Variants in LYVE1 observed in about 807,000 individuals in gnomAD.
The protein encoded by LYVE1 is lymphatic vessel endothelial hyaluronan receptor 1, also known as lymphatic vessel endothelial hyaluronic acid receptor 1.
A neutral mutation model predicts 31.5 loss-of-function variants in LYVE1; 29 were observed. That is an observed-to-expected ratio of 0.92 (90% CI 0.69 to 1.26). The LOEUF (loss-of-function observed/expected upper bound fraction) is 1.26. Among genes scored for constraint, LYVE1 ranks in the 50% most tolerant of loss-of-function variants. The probability of loss-of-function intolerance (pLI) is 0.00; values close to 1 mark genes in which losing one functional copy is unlikely to be tolerated. For synonymous variants in LYVE1, 134 were observed against 139.4 expected (o/e 0.96, Z 0.27); for missense variants, 376 against 380.2 (o/e 0.99, Z 0.09).
rs1850368779 is a variant in LYVE1, at chr11:10,559,270, G to T, written c.810C>A (p.Asn270Lys). ...KRYVKAFPFT[N>K]KNQQKEMIET... ...CGATCATTTCCTTCTGCTGATTCTT[G>T]TTTGTAAAAGGGAAGGCCTTCACAT... is the stretch of plus-strand genomic sequence containing the variant. Residue 270 changes from asparagine (N) to lysine (K), a missense_variant, in exon 6 of 6, where the codon AAC (asparagine) becomes AAA (lysine). Coordinates refer to ENST00000256178, the MANE Select transcript of LYVE1 (RefSeq NM_006691.4). 1 of 1,613,760 alleles carries T rather than the reference G, an allele frequency of 6.2e-7. No individual in the cohort carries two copies. The highest frequency in any genetic ancestry group is 1.3e-5 in the African/African-American group (1 of 74,854).
chr11:10,563,794 C>A (rs1850479076), intron 3 of LYVE1, 146 bp downstream of exon 3: 3 of 1,036,952 alleles, frequency 2.9e-6, no homozygotes, highest in African/African-American at 3.2e-5. Flanking sequence ...CCACCCCTAG[C>A]CTGGCCAGAG....
At position 10,559,241 on chromosome 11, in the gene LYVE1, G is replaced by T. The variant is rs768769189; in HGVS notation, c.839C>A (p.Thr280Asn). The change falls in exon 6 of 6, where the codon ACC becomes AAC. Residue 280 changes from threonine (T) to asparagine (N), a missense_variant. Transcript: ENST00000256178. ...GGCCTTCTCCTCCTTTACTACTTTG[G>T]TTTCGATCATTTCCTTCTGCTGATT... ...NKNQQKEMIE[T>N]KVVKEEKAND... 1.8e-5 allele frequency: 29 copies of T among 1,613,982 alleles called. No homozygotes were observed. In the East Asian group the frequency reaches 6.5e-4, roughly 36 times the overall value.
At position 10,559,210 on chromosome 11, in the gene LYVE1, A is replaced by C; in HGVS notation, c.870T>G (p.Asp290Glu). Residue 290 changes from aspartate to glutamate, a missense_variant, in exon 6 of 6, where the codon GAT becomes GAG. Transcript: ENST00000256178. Reference sequence around the variant, plus strand: ...TCTTTGATTCCTCATTAGGGTTGCTATCATTGGCCTTCTCCTCCTTTACTA... The same window carrying C: ...TCTTTGATTCCTCATTAGGGTTGCTCTCATTGGCCTTCTCCTCCTTTACTA... ...TKVVKEEKANDSNPNEESKKT... is the reference protein window; with the variant it reads ...TKVVKEEKANESNPNEESKKT... 6.2e-7 allele frequency: 1 copy of C among 1,614,050 alleles called. No homozygotes were observed. Among genetic ancestry groups the C allele is most frequent in the Non-Finnish European group, 8.5e-7 (1 of 1,179,968 alleles).
chr11:10,560,154 C>T (rs1032740539), intron 4 of LYVE1, among the ~76,000 whole-genome samples: 1 of 152,156 alleles, frequency 6.6e-6, no homozygotes, highest in African/African-American at 2.4e-5. Flanking sequence ...CTACTCTAGT[C>T]AACAAGCCTG....
In LYVE1 at chr11:10,568,412, C is replaced by A. The variant is rs775229561; in HGVS notation, c.85+36G>T. On this transcript the variant is annotated intron_variant, in intron 1 of 5. Transcript: ENST00000256178. ...CAGCTTAGGAGGCTTAGGACTGAAG[C>A]CTTGCTTCAGTTTGGAAATCTGGTG... 5.0e-6 allele frequency: 8 copies of A among 1,609,922 alleles called. No individual in the cohort carries two copies. The South Asian group carries it at 8.8e-5, about 18-fold the overall frequency.
At chr11:10,568,340 G>T in intron 1 of LYVE1, 108 bp downstream of exon 1, 1 of 1,058,460 alleles carries the variant, frequency 9.4e-7, no homozygotes, top group Non-Finnish European at 1.4e-6. Context: ...AATTAGACCT[G>T]CTGTTGACAC....
In LYVE1 at chr11:10,560,654, T is replaced by C; in HGVS notation, c.544A>G (p.Thr182Ala). 6.2e-7 allele frequency: 1 copy of C among 1,614,128 alleles called. No homozygotes were observed. Among genetic ancestry groups the C allele is most frequent in the Non-Finnish European group, 8.5e-7 (1 of 1,179,990 alleles). ...GAAGCTGGAGCAGGAGGAGTAGTAG[T>C]AGGGGCAGGTATTGTAGAGTAAGGG... ...ASPYSTIPAP[T>A]TTPPAPASTS... The change falls in exon 4 of 6, where the codon ACT becomes GCT. Residue 182 changes from threonine to alanine, a missense_variant. Coordinates refer to ENST00000256178, the MANE Select transcript of LYVE1 (RefSeq NM_006691.4).
chr11:10,559,157 T>G lies in LYVE1; in HGVS notation c.923A>C (p.Lys308Thr). The G allele has an allele frequency of 1.2e-6, 2 of 1,614,208 alleles. No individual in the cohort carries two copies. Among genetic ancestry groups the G allele is most frequent in the Non-Finnish European group, 1.7e-6 (2 of 1,180,014 alleles). The change falls in exon 6 of 6, where the codon AAG becomes ACG. Residue 308 changes from lysine to threonine, a missense_variant. Transcript: ENST00000256178. ...KKTDKNPEESKSPSKTTVRCL... is the reference protein window; with the variant it reads ...KKTDKNPEESTSPSKTTVRCL... ...TCGCACGGTAGTTTTGCTTGGACTC[T>G]TGGACTCTTCTGGGTTTTTATCAGT...
intron 3 of LYVE1, among the ~76,000 whole-genome samples, chr11:10,562,250 G>A (rs1327103409): frequency 6.6e-6 from 1 of 152,246 alleles, no homozygotes; most frequent in African/African-American, 2.4e-5. Flanking sequence ...CAAAGAGGCA[G>A]AGAAGGGAAG....
Position 10,563,923 on chromosome 11 carries a change from T to C in LYVE1, c.397+17A>G. ...ACCCAGAGAATGCCACGTGGAAAGG[T>C]TGCAGATCAGACTCACCAGATGAGT... On this transcript the variant is annotated intron_variant, in intron 3 of 5. Transcript: ENST00000256178. 4 of 1,613,908 alleles carry C rather than the reference T, an allele frequency of 2.5e-6. No homozygotes were observed. The highest frequency in any genetic ancestry group is 2.7e-5 in the African/African-American group (2 of 74,958).
At chr11:10,565,056 A>G (rs1452631810) in intron 1 of LYVE1, among the ~76,000 whole-genome samples, 1 of 152,184 alleles carries the variant, frequency 6.6e-6, no homozygotes, top group Non-Finnish European at 1.5e-5. Flanking sequence ...CATCTCTTTA[A>G]TCTTCAGCTC....
In LYVE1 at chr11:10,565,725, C is replaced by G. The variant is rs55657367; in HGVS notation, c.86-1351G>C. On this transcript the variant is annotated intron_variant, in intron 1 of 5. Coordinates refer to ENST00000256178, the MANE Select transcript of LYVE1 (RefSeq NM_006691.4). ...ATGTTGCCCAGGCTGGTCGTAAATT[C>G]CTGGGCTCAAGCAATCCTCCCACCT... Among the ~76,000 whole-genome samples, 1,512 of 152,126 alleles carry G rather than the reference C, an allele frequency of 9.9e-3. 15 individuals carry two copies. Among genetic ancestry groups the G allele is most frequent in the Non-Finnish European group, 0.014 (985 of 67,982 alleles).
intron 4 of LYVE1, 113 bp from the exon 5 acceptor site, chr11:10,560,007 C>T: frequency 1.4e-6 from 1 of 714,070 alleles, no homozygotes; most frequent in African/African-American, 1.8e-5. Context: ...AAAACCTTCT[C>T]TGTAGCCCTT....
chr11:10,566,069 CA>C (rs1564879586), intron 1 of LYVE1, among the ~76,000 whole-genome samples: 1 of 149,552 alleles, frequency 6.7e-6, no homozygotes, highest in African/African-American at 2.5e-5. Context: ...CTTGGCTTCC[CA>C]AAGTGCTGGG....
chr11:10,560,363 G>A, intron 4 of LYVE1, 132 bp downstream of exon 4: 1 of 734,042 alleles, frequency 1.4e-6, no homozygotes, highest in Non-Finnish European at 2.1e-6. Flanking sequence ...CATGAAAGTT[G>A]AGTTTGTGTT....
rs1850344890 is a variant in LYVE1, at chr11:10,557,899, A to G, written c.*1212T>C. The stretch of plus-strand genomic sequence containing the variant: ...CTAAATGCTTTAATTTTTTGTCACA[A>G]ATATTTCTGCATCTCTCAGTCCCTT... On this transcript the variant is annotated 3_prime_UTR_variant, in exon 6 of 6. Coordinates refer to ENST00000256178, the MANE Select transcript of LYVE1 (RefSeq NM_006691.4). The G allele has an allele frequency of 6.6e-6, 1 of 152,216 alleles. No individual in the cohort carries two copies. The highest frequency in any genetic ancestry group is 2.1e-4 in the South Asian group (1 of 4,836). 9.4% of individuals were successfully genotyped at this position (152,216 alleles called of 1,614,324 possible).
Position 10,559,833 on chromosome 11 carries a change from T to G in LYVE1, c.765A>C (p.Gly255=), listed in dbSNP as rs1414863648. The change falls in exon 5 of 6, where the codon GGA becomes GGC. Residue 255 remains glycine (G), a synonymous_variant. Transcript: ENST00000256178. The part of the protein sequence containing the change: ...LLFFGAAAGL[G]FCYVKRYVKA... ...AACCCTACCTTTTGACATAGCAAAA[T>G]CCAAGACCAGCTGCAGCACCAAAGA... is the stretch of plus-strand genomic sequence containing the variant. 6.2e-7 allele frequency: 1 copy of G among 1,613,852 alleles called. No individual in the cohort carries two copies. The highest frequency in any genetic ancestry group is 8.5e-7 in the Non-Finnish European group (1 of 1,179,886).
chr11:10,565,996 G>A (rs1475723179), intron 1 of LYVE1, among the ~76,000 whole-genome samples: 2 of 152,182 alleles, frequency 1.3e-5, no homozygotes, highest in Admixed American at 6.5e-5. Context: ...TTTTAGTAGA[G>A]ACAGGGTTTC....
Position 10,559,888 on chromosome 11 carries a change from G to A in LYVE1, c.710C>T (p.Pro237Leu). ...GAGAGCAAGCACTAGCAGAGCCGTG[G>A]GGACACCTGCAAGGAACAGAGACAA... ...KNEAAGFGGV[P>L]TALLVLALLF... is the part of the protein sequence containing the mutation. The change falls in exon 5 of 6, where the codon CCC (proline) becomes CTC (leucine). Residue 237 changes from proline (P) to leucine (L), a missense_variant. Physicochemically the swap from Pro to Leu is moderately conservative, Grantham distance 98. Transcript: ENST00000256178. The A allele has an allele frequency of 6.2e-7, 1 of 1,613,340 alleles. No homozygotes were observed. The highest frequency in any genetic ancestry group is 1.1e-5 in the South Asian group (1 of 91,066).
Sources: gnomAD v4.1 joint callset for allele counts (sites outside exome capture counted in the v4.1 genomes callset) on GRCh38, gnomAD v4.1.1 for gene constraint, MANE v1.5 for transcripts, NCBI Gene and HGNC (gene_info 2026-07-23, HGNC 2026-07-21) for gene names.